The following HNRNPF variants were observed in gnomAD, a reference collection of about 807,000 sequenced individuals.
HNRNPF encodes heterogeneous nuclear ribonucleoprotein F, also known as HnRNP F protein.
Under a neutral mutation model 26.0 loss-of-function variants are expected in HNRNPF, and 2 were observed. The observed-to-expected ratio is 0.08, with a 90% CI of 0.03 to 0.24. The LOEUF is 0.24. Ranked by LOEUF, HNRNPF falls within the 10% of genes least tolerant of loss-of-function variation. The pLI, the probability that HNRNPF is intolerant of heterozygous loss-of-function variation, is 1.00. For synonymous variants in HNRNPF, 234 were observed against 211.5 expected (o/e 1.11, Z -0.92); for missense variants, 299 against 539.2 (o/e 0.55, Z 4.41).
At chr10:43,394,137 G>A (rs574111898) in intron 3 of HNRNPF, among the ~76,000 whole-genome samples, 2 of 152,328 alleles carry the variant, frequency 1.3e-5, no homozygotes, top group African/African-American at 4.8e-5. Context: ...ACTTGACCCA[G>A]CTGGTCCAAG....
At chr10:43,394,373 C>T (rs1838375323) in intron 3 of HNRNPF, among the ~76,000 whole-genome samples, 1 of 152,136 alleles carries the variant, frequency 6.6e-6, no homozygotes, top group African/African-American at 2.4e-5. Context: ...GCGAAGAGAC[C>T]ATTCCTTTCC....
chr10:43,393,609 A>T (rs1323555241), intron 3 of HNRNPF, among the ~76,000 whole-genome samples: 1 of 151,840 alleles, frequency 6.6e-6, no homozygotes, highest in Non-Finnish European at 1.5e-5. Flanking sequence ...AAAAAAAAAA[A>T]AGTTTTCCAA....
At chr10:43,395,863 G>A (rs1338543975) in intron 2 of HNRNPF, among the ~76,000 whole-genome samples, 1 of 152,134 alleles carries the variant, frequency 6.6e-6, no homozygotes, top group Non-Finnish European at 1.5e-5. Flanking sequence ...TGGACCAGCC[G>A]CTGTAAGCCT....
chr10:43,399,653 G>A (rs7070769), intron 1 of HNRNPF, among the ~76,000 whole-genome samples: 81,774 of 152,082 alleles, frequency 0.54, 24,332 homozygotes, highest in African/African-American at 0.81. Flanking sequence ...AGAGATACAT[G>A]GAGACAAGAT....
chr10:43,404,383 A>C (rs1047778747), intron 1 of HNRNPF, among the ~76,000 whole-genome samples: 4 of 152,190 alleles, frequency 2.6e-5, no homozygotes, highest in Non-Finnish European at 5.9e-5. Flanking sequence ...AATAAATGAA[A>C]AGGAATCGAT....
intron 1 of HNRNPF, among the ~76,000 whole-genome samples, chr10:43,405,940 G>T (rs1422664899): frequency 6.6e-6 from 1 of 151,978 alleles, no homozygotes; most frequent in African/African-American, 2.4e-5. Flanking sequence ...GCAGGGGAGG[G>T]GTGTCCCGGT....
chr10:43,402,240 A>C (rs978473327), intron 1 of HNRNPF, among the ~76,000 whole-genome samples: 1 of 152,216 alleles, frequency 6.6e-6, no homozygotes, highest in African/African-American at 2.4e-5. Flanking sequence ...ATGGGGGAGA[A>C]GATAAGAGAT....
intron 3 of HNRNPF, among the ~76,000 whole-genome samples, chr10:43,390,257 C>A (rs947276490): frequency 2.6e-5 from 4 of 152,194 alleles, no homozygotes; most frequent in African/African-American, 2.4e-5. Flanking sequence ...GTGGGGGCTT[C>A]TTATGCAATT....
In HNRNPF at chr10:43,387,534, T is replaced by C; in HGVS notation, c.351A>G (p.Gly117=). 6.2e-7 allele frequency: 1 copy of C among 1,614,046 alleles called. No individual in the cohort carries two copies. The highest frequency in any genetic ancestry group is 1.1e-5 in the South Asian group (1 of 91,062). The change falls in exon 4 of 4, where the codon GGA becomes GGG. Residue 117 remains glycine (G), a synonymous_variant. Transcript: ENST00000682386. The surrounding 1 kb of genome is among the most constrained non-coding windows in gnomAD (Gnocchi z 6.0). ...SANDGFVRLR[G]LPFGCTKEEI... ...CTTCCTTTGTGCATCCAAATGGGAG[T>C]CCTCGAAGCCGCACGAAGCCATCGT... is the stretch of plus-strand genomic sequence containing the variant.
At chr10:43,388,926 G>A (rs1838136395) in intron 3 of HNRNPF, among the ~76,000 whole-genome samples, 2 of 150,774 alleles carry the variant, frequency 1.3e-5, no homozygotes, top group Admixed American at 1.3e-4. Context: ...TATGAACACT[G>A]TCAAGGGTGA....
Position 43,386,312 on chromosome 10 carries a change from G to A in HNRNPF, c.*325C>T, listed in dbSNP as rs11548186. The A allele has an allele frequency of 9.1e-3, 1,812 of 199,234 alleles. 15 individuals carry two copies. The highest frequency in any genetic ancestry group is 0.017 in the South Asian group (91 of 5,466). The allele number at this position is 199,234 out of a possible 1,614,324, so 12.3% of individuals were successfully genotyped here. ...ACCTTTGAGTTTTCCAAAAAAGCAC[G>A]TCTCCCCAGTGTGTTCACTGTGATG... On this transcript the variant is annotated 3_prime_UTR_variant, in exon 4 of 4. Coordinates refer to ENST00000682386, the MANE Select transcript of HNRNPF (RefSeq NM_001098204.2).
Position 43,385,774 on chromosome 10 carries a change from T to C in HNRNPF, c.*863A>G, listed in dbSNP as rs1207976785. ...AATGGTTTACAACAGTGCACATAAG[T>C]TGCAGGTGGCTGGGGCCGTGTGTCT... is the stretch of plus-strand genomic sequence containing the variant. On this transcript the variant is annotated 3_prime_UTR_variant, in exon 4 of 4. Coordinates refer to ENST00000682386, the MANE Select transcript of HNRNPF (RefSeq NM_001098204.2). 2 of 152,250 alleles carry C rather than the reference T, an allele frequency of 1.3e-5. No homozygotes were observed. Among genetic ancestry groups the C allele is most frequent in the Non-Finnish European group, 2.9e-5 (2 of 68,040 alleles). The allele number at this position is 152,250 out of a possible 1,614,324, so 9.4% of individuals were successfully genotyped here.
At chr10:43,406,273 G>A (rs920122178) in intron 1 of HNRNPF, among the ~76,000 whole-genome samples, 1 of 152,130 alleles carries the variant, frequency 6.6e-6, no homozygotes, top group Non-Finnish European at 1.5e-5. Flanking sequence ...TTGCCTCCAG[G>A]CTTTCCAAGG....
chr10:43,387,984 T>C lies in HNRNPF; in HGVS notation c.-52-48A>G. ...TTTATTTAGTATGCAACAGAAATTT[T>C]CCCCATTTTACAGACGAGAGAGGTA... On this transcript the variant is annotated intron_variant, in intron 3 of 3. Transcript: ENST00000682386. The surrounding 1 kb of genome is among the most constrained non-coding windows in gnomAD (Gnocchi z 6.0). 2 of 1,037,138 alleles carry C rather than the reference T, an allele frequency of 1.9e-6. No homozygotes were observed. Among genetic ancestry groups the C allele is most frequent in the Middle Eastern group, 2.6e-4 (1 of 3,804 alleles). 64.2% of individuals were successfully genotyped at this position (1,037,138 alleles called of 1,614,324 possible). A position where few individuals can be genotyped will look rare whatever the true frequency, so the allele number is the denominator to read the frequency against.
chr10:43,403,272 C>A (rs1838809009), intron 1 of HNRNPF, among the ~76,000 whole-genome samples: 1 of 152,148 alleles, frequency 6.6e-6, no homozygotes. Flanking sequence ...CCTGCCTTGG[C>A]CCTGCTGGGA....
At chr10:43,388,449 T>C (rs1838116635) in intron 3 of HNRNPF, among the ~76,000 whole-genome samples, 1 of 152,212 alleles carries the variant, frequency 6.6e-6, no homozygotes, top group African/African-American at 2.4e-5. Flanking sequence ...AGCAGTAATG[T>C]TGCCAGGATA....
chr10:43,392,047 C>T (rs1167805851), intron 3 of HNRNPF, among the ~76,000 whole-genome samples: 2 of 152,132 alleles, frequency 1.3e-5, no homozygotes, highest in African/African-American at 4.8e-5. Context: ...AGTTCAAGAC[C>T]AGCCTGACCA....
intron 1 of HNRNPF, chr10:43,408,661 G>A (rs1187704623): frequency 1.0e-4 from 15 of 150,752 alleles, no homozygotes. Flanking sequence ...ACCCCCAGGG[G>A]GACCCGGTCC....
rs781643171 is a variant in HNRNPF at position 43,386,766 on chromosome 10, G to A, written c.1119C>T (p.Ser373=). The part of the protein sequence containing the change: ...STTGASNGAY[S]SQVMQGMGVS... Reference sequence around the variant, plus strand: ...CCCCCATGCCTTGCATCACCTGGCTGCTATACGCCCCATTGCTGGCCCCTG... The same window carrying A: ...CCCCCATGCCTTGCATCACCTGGCTACTATACGCCCCATTGCTGGCCCCTG... Residue 373 remains serine, a synonymous_variant, in exon 4 of 4, where the codon AGC becomes AGT. Coordinates refer to ENST00000682386, the MANE Select transcript of HNRNPF (RefSeq NM_001098204.2). 11 of 1,614,052 alleles carry A rather than the reference G, an allele frequency of 6.8e-6. No homozygotes were observed. Among genetic ancestry groups the A allele is most frequent in the Admixed American group, 6.7e-5 (4 of 60,012 alleles).
Sources: gnomAD v4.1 joint callset for allele counts (sites outside exome capture counted in the v4.1 genomes callset) on GRCh38, gnomAD v4.1.1 for gene constraint, Gnocchi (gnomAD v3.1) non-coding constraint, MANE v1.5 for transcripts, NCBI Gene and HGNC (gene_info 2026-07-23, HGNC 2026-07-21) for gene names.